The following TMX4 variants were observed in gnomAD, a reference collection of about 807,000 sequenced individuals.
TMX4 encodes thioredoxin related transmembrane protein 4.
Under a neutral mutation model 33.3 loss-of-function variants are expected in TMX4, and 23 were observed. That is an observed-to-expected ratio of 0.69 (90% CI 0.50 to 0.98). The LOEUF is 0.98. TMX4 is among the 50% of genes least tolerant of loss of function. TMX4 has a pLI of 0.00. For synonymous variants in TMX4, 164 were observed against 161.5 expected, an observed-to-expected ratio of 1.02 and a Z score of -0.12; for missense variants, 399 against 448.9, an observed-to-expected ratio of 0.89 and a Z score of 1.01.
Position 7,982,366 on chromosome 20 carries a change from A to G in TMX4, c.935T>C (p.Val312Ala). The G allele has an allele frequency of 6.2e-7, 1 of 1,613,922 alleles. No homozygotes were observed. The highest frequency in any genetic ancestry group is 1.3e-5 in the African/African-American group (1 of 74,932). The change falls in exon 8 of 8, where the codon GTA (valine) becomes GCA (alanine). Residue 312 changes from valine to alanine, a missense_variant. By Grantham distance (64) the Val-to-Ala change is moderately conservative. Transcript: ENST00000246024. The stretch of plus-strand genomic sequence containing the variant: ...GCCTTCTTCAGCCTCCTCAGGCTCT[A>G]CTTCCTCCCGGGTCACACCGTCCTC... ...PGEDGVTREE[V>A]EPEEAEEGIS...
chr20:7,985,239 A>T (rs140210397), intron 6 of TMX4, among the ~76,000 whole-genome samples: 6 of 146,474 alleles, frequency 4.1e-5, no homozygotes, highest in Non-Finnish European at 1.5e-5. Flanking sequence ...GTGTGTGTGT[A>T]TATATATGTG....
At chr20:8,000,178 C>T (rs1600144349) in intron 3 of TMX4, among the ~76,000 whole-genome samples, 2 of 152,242 alleles carry the variant, frequency 1.3e-5, no homozygotes, top group South Asian at 4.2e-4. Context: ...CTTACAATAG[C>T]AAAACAGCCA....
intron 7 of TMX4, among the ~76,000 whole-genome samples, chr20:7,983,306 C>A (rs562450358): frequency 6.6e-6 from 1 of 152,210 alleles, no homozygotes; most frequent in South Asian, 2.1e-4. Context: ...TTTAAACTCC[C>A]ACATAAAATT....
chr20:7,994,686 C>T (rs1417170869), intron 5 of TMX4, among the ~76,000 whole-genome samples: 1 of 152,202 alleles, frequency 6.6e-6, no homozygotes, highest in Non-Finnish European at 1.5e-5. Flanking sequence ...ACAGTCAATG[C>T]TGCCTGACAA....
chr20:7,988,445 A>G (rs1216276774), intron 5 of TMX4, among the ~76,000 whole-genome samples: 1 of 152,040 alleles, frequency 6.6e-6, no homozygotes, highest in Non-Finnish European at 1.5e-5. Flanking sequence ...GGAATGATAA[A>G]TAAAGAACAA....
At chr20:7,993,756 A>G (rs571885263) in intron 5 of TMX4, among the ~76,000 whole-genome samples, 1 of 151,900 alleles carries the variant, frequency 6.6e-6, no homozygotes, top group Non-Finnish European at 1.5e-5. Context: ...GGGCAGTATC[A>G]GATTTCACAA....
At chr20:8,008,376 G>C (rs2050739114) in intron 2 of TMX4, among the ~76,000 whole-genome samples, 1 of 151,868 alleles carries the variant, frequency 6.6e-6, no homozygotes, top group Non-Finnish European at 1.5e-5. Flanking sequence ...AATATTTCAA[G>C]TATATATATT....
In TMX4 at chr20:7,978,541, AT is replaced by A. The variant is rs1310788742; in HGVS notation, c.*3709del. ...CAGCTGTCAACAAGGAATTTTGGCC[AT>A]AAAAAGTCAAATTTTGTTTTTTTTC... On this transcript the variant is annotated 3_prime_UTR_variant, in exon 8 of 8. Transcript: ENST00000246024. The A allele has an allele frequency of 7.9e-5, 12 of 152,232 alleles. No homozygotes were observed. Among genetic ancestry groups the A allele is most frequent in the African/African-American group, 2.9e-4 (12 of 41,462 alleles). The allele number at this position is 152,232 out of a possible 1,614,324, so 9.4% of individuals were successfully genotyped here. A position where few individuals can be genotyped will look rare whatever the true frequency, so the allele number is the denominator to read the frequency against.
intron 5 of TMX4, among the ~76,000 whole-genome samples, chr20:7,987,775 A>G (rs1314438291): frequency 6.6e-6 from 1 of 152,208 alleles, no homozygotes; most frequent in Non-Finnish European, 1.5e-5. Context: ...TAGTAAAACT[A>G]AATTACGACT....
At chr20:7,987,232 T>C in intron 6 of TMX4, 56 bp downstream of exon 6, 2 of 1,212,476 alleles carry the variant, frequency 1.6e-6, no homozygotes, top group Middle Eastern at 1.9e-4. Context: ...GCCTTTTATT[T>C]GTACATGAAA....
At chr20:7,983,624 GA>G (rs1465393956) in intron 7 of TMX4, among the ~76,000 whole-genome samples, 169 bp downstream of exon 7, 3 of 152,052 alleles carry the variant, frequency 2.0e-5, no homozygotes, top group African/African-American at 7.2e-5. Context: ...AAGAAAGGGA[GA>G]AAAATAATTT....
At chr20:7,998,116 G>A (rs1158888145) in intron 4 of TMX4, among the ~76,000 whole-genome samples, 1 of 152,006 alleles carries the variant, frequency 6.6e-6, no homozygotes, top group African/African-American at 2.4e-5. Flanking sequence ...TTCCTGTACA[G>A]CCTGTAGAAC....
chr20:7,993,261 T>C (rs1292635169), intron 5 of TMX4, among the ~76,000 whole-genome samples: 2 of 152,264 alleles, frequency 1.3e-5, no homozygotes, highest in African/African-American at 2.4e-5. Flanking sequence ...TGGTTCCACC[T>C]TCCATCCCTA....
rs149061886 is a variant in TMX4, at chr20:7,980,386, G to A, written c.*1865C>T. The A allele has an allele frequency of 2.0e-5, 3 of 152,222 alleles. No individual in the cohort carries two copies. The highest frequency in any genetic ancestry group is 1.9e-4 in the East Asian group (1 of 5,176). The allele number at this position is 152,222 out of a possible 1,614,324, so 9.4% of individuals were successfully genotyped here. The stretch of plus-strand genomic sequence containing the variant: ...ATAAGAGAAAGAAATCCAGTGACAC[G>A]AGGGCAGGCAGGCCCCGCTCTGCTC... On this transcript the variant is annotated 3_prime_UTR_variant, in exon 8 of 8. Coordinates refer to ENST00000246024, the MANE Select transcript of TMX4 (RefSeq NM_021156.4).
chr20:8,000,575 T>C (rs1160514937), intron 3 of TMX4, among the ~76,000 whole-genome samples: 1 of 152,210 alleles, frequency 6.6e-6, no homozygotes, highest in Non-Finnish European at 1.5e-5. Context: ...TTCTTCCTAC[T>C]GCTCTGAGCA....
At chr20:7,985,743 T>G (rs958372513) in intron 6 of TMX4, among the ~76,000 whole-genome samples, 3 of 152,152 alleles carry the variant, frequency 2.0e-5, no homozygotes, top group African/African-American at 7.2e-5. Context: ...TAAGGAAGGG[T>G]AGTCTATCTC....
chr20:7,992,448 T>TGATGGAAAGAA (rs2050659210), intron 5 of TMX4, among the ~76,000 whole-genome samples: 1 of 152,220 alleles, frequency 6.6e-6, no homozygotes. Context: ...GATCATCTAC[T>TGATGGAAAGAA]CTTGTCCATA....
Position 8,019,592 on chromosome 20 carries a change from G to C in TMX4, c.22C>G (p.Pro8Ala), listed in dbSNP as rs573335024. The change falls in exon 1 of 8, where the codon CCG (proline) becomes GCG (alanine). Residue 8 changes from proline to alanine, a missense_variant. Pro to Ala is a conservative substitution (Grantham distance 27). Coordinates refer to ENST00000246024, the MANE Select transcript of TMX4 (RefSeq NM_021156.4). ...GCGGCCAGGAGCGCCGTTAGCTGCGGGCCGCAGCGCCCACCCGCCATGTTG... is the reference window on the plus strand; with the variant it reads ...GCGGCCAGGAGCGCCGTTAGCTGCGCGCCGCAGCGCCCACCCGCCATGTTG... MAGGRCG[P>A]QLTALLAAWI... The C allele has an allele frequency of 1.6e-5, 22 of 1,364,134 alleles. No homozygotes were observed. In the East Asian group the frequency reaches 6.2e-4, roughly 38 times the overall value. 84.5% of individuals were successfully genotyped at this position (1,364,134 alleles called of 1,614,324 possible).
At chr20:8,019,221 T>A in intron 1 of TMX4, 1 of 547,284 alleles carries the variant, frequency 1.8e-6, no homozygotes, top group Non-Finnish European at 3.1e-6. Flanking sequence ...CAGCCGCAGG[T>A]CGTTGGTAAG....
Sources: gnomAD v4.1 joint callset for allele counts (sites outside exome capture counted in the v4.1 genomes callset) on GRCh38, gnomAD v4.1.1 for gene constraint, MANE v1.5 for transcripts, NCBI Gene and HGNC (gene_info 2026-07-23, HGNC 2026-07-21) for gene names.